Variants in PDS5B observed in about 807,000 individuals in gnomAD.
PDS5B encodes the protein sister chromatid cohesion protein PDS5 homolog B.
In PDS5B, 51 loss-of-function variants were observed where a neutral mutation model predicts 184.1. That is an observed-to-expected ratio of 0.28 (90% CI 0.22 to 0.35). The LOEUF (loss-of-function observed/expected upper bound fraction) is 0.35. PDS5B is among the 10% of genes least tolerant of loss of function. The probability of loss-of-function intolerance (pLI) is 1.00; values close to 1 mark genes in which losing one functional copy is unlikely to be tolerated. For synonymous variants in PDS5B, 566 were observed against 569.2 expected, an observed-to-expected ratio of 0.99 and a Z score of 0.08; for missense variants, 1,180 against 1,723.3, an observed-to-expected ratio of 0.68 and a Z score of 5.58.
intron 8 of PDS5B, 122 bp from the exon 9 acceptor site, chr13:32,675,722 T>C (rs1951046730): frequency 5.4e-6 from 3 of 558,738 alleles, no homozygotes; most frequent in Middle Eastern, 4.8e-4. Context: ...AATTTTTCAT[T>C]TAGAGTTCAT....
At chr13:32,769,237 A>G (rs2141034664) in intron 31 of PDS5B, among the ~76,000 whole-genome samples, 1 of 152,336 alleles carries the variant, frequency 6.6e-6, no homozygotes, top group South Asian at 2.1e-4. Context: ...CGCAGTAGTC[A>G]AAGTTGACAA....
intron 1 of PDS5B, among the ~76,000 whole-genome samples, chr13:32,623,617 T>A (rs916009524): frequency 1.3e-5 from 2 of 152,216 alleles, no homozygotes; most frequent in Non-Finnish European, 2.9e-5. Context: ...CTCACTGTTA[T>A]AATTTCGCAA....
chr13:32,678,990 T>A, intron 10 of PDS5B, 61 bp downstream of exon 10: 4 of 896,386 alleles, frequency 4.5e-6, no homozygotes, highest in Non-Finnish European at 7.1e-6. Context: ...AAAATAAGTT[T>A]CATAGGGGGA....
At chr13:32,628,936 C>T (rs968255734) in intron 1 of PDS5B, among the ~76,000 whole-genome samples, 3 of 151,988 alleles carry the variant, frequency 2.0e-5, no homozygotes, top group African/African-American at 7.3e-5. Context: ...ATTTTTATTC[C>T]TGTGAGAATT....
Position 32,688,559 on chromosome 13 carries a change from A to G in PDS5B, c.1459A>G (p.Asn487Asp). Reference sequence around the variant, plus strand: ...TTACTTGTATGCCACACTGGATTTAAATGCTGTGAAGTATGTTTCAAATAT... The same window carrying G: ...TTACTTGTATGCCACACTGGATTTAGATGCTGTGAAGTATGTTTCAAATAT... ...LYYLYATLDL[N>D]AVKALNEMWK... The change falls in exon 13 of 35, where the codon AAT (asparagine) becomes GAT (aspartate). Residue 487 changes from asparagine to aspartate, a missense_variant. Transcript: ENST00000315596. 1 of 1,546,080 alleles carries G rather than the reference A, an allele frequency of 6.5e-7. No individual in the cohort carries two copies. The highest frequency in any genetic ancestry group is 8.9e-7 in the Non-Finnish European group (1 of 1,118,356).
At chr13:32,655,701 T>A (rs1950496533) in intron 3 of PDS5B, among the ~76,000 whole-genome samples, 1 of 152,010 alleles carries the variant, frequency 6.6e-6, no homozygotes, top group African/African-American at 2.4e-5. Context: ...TGTTTTTTGC[T>A]TGTTAATTAA....
intron 3 of PDS5B, among the ~76,000 whole-genome samples, chr13:32,656,997 T>C (rs1022932691): frequency 1.3e-5 from 2 of 152,248 alleles, no homozygotes; most frequent in Admixed American, 1.3e-4. Context: ...TTATGGCTTA[T>C]TATGTGGTCA....
At chr13:32,741,200 T>C (rs776694062) in intron 22 of PDS5B, 52 bp downstream of exon 22, 25 of 942,820 alleles carry the variant, frequency 2.7e-5, no homozygotes, top group Admixed American at 4.7e-5. Flanking sequence ...CACATTGTAA[T>C]ATTTGAGGTA....
chr13:32,628,623 T>C (rs1378468381), intron 1 of PDS5B, among the ~76,000 whole-genome samples: 1 of 152,206 alleles, frequency 6.6e-6, no homozygotes, highest in Non-Finnish European at 1.5e-5. Context: ...TGGTGTTTTT[T>C]ATTGCCCAAT....
At chr13:32,599,579 G>A (rs941097937) in intron 1 of PDS5B, among the ~76,000 whole-genome samples, 6 of 150,800 alleles carry the variant, frequency 4.0e-5, no homozygotes, top group African/African-American at 1.2e-4. Context: ...TGATTTGTAA[G>A]TTGATACTTT....
chr13:32,768,206 C>T (rs766954008), intron 31 of PDS5B, among the ~76,000 whole-genome samples: 1 of 152,152 alleles, frequency 6.6e-6, no homozygotes, highest in Non-Finnish European at 1.5e-5. Context: ...GATCAAGGTG[C>T]CAGCAGATTT....
chr13:32,689,542 T>C (rs1951488265), intron 13 of PDS5B: 1 of 152,140 alleles, frequency 6.6e-6, no homozygotes, highest in Non-Finnish European at 1.5e-5. Context: ...GTCCGGCCTT[T>C]TACAGAAAAA....
At chr13:32,613,414 AT>A (rs1448969692) in intron 1 of PDS5B, among the ~76,000 whole-genome samples, 2 of 152,072 alleles carry the variant, frequency 1.3e-5, no homozygotes, top group African/African-American at 4.8e-5. Flanking sequence ...ATTGTCTGTC[AT>A]TTTGATTATA....
At position 32,708,211 on chromosome 13, in the gene PDS5B, T is replaced by C. The variant is rs557227437; in HGVS notation, c.1962+1172T>C. Among the ~76,000 whole-genome samples the C allele has an allele frequency of 1.8e-4, 27 of 152,326 alleles. No individual in the cohort carries two copies. The East Asian group carries it at 5.2e-3, about 29-fold the overall frequency. On this transcript the variant is annotated intron_variant, in intron 18 of 34. Transcript: ENST00000315596. Reference sequence around the variant, plus strand: ...CTGCAGAAGCAGTCATAGAGGTGTATGTAACACCTCCGGAGCAGTAAGACT... The same window carrying C: ...CTGCAGAAGCAGTCATAGAGGTGTACGTAACACCTCCGGAGCAGTAAGACT...
chr13:32,593,632 C>G (rs558849365), intron 1 of PDS5B, among the ~76,000 whole-genome samples: 1 of 152,202 alleles, frequency 6.6e-6, no homozygotes, highest in Non-Finnish European at 1.5e-5. Flanking sequence ...TGAGCCACTA[C>G]GCCTGGCCTC....
chr13:32,637,839 T>C (rs1243904096), intron 1 of PDS5B, among the ~76,000 whole-genome samples: 1 of 152,254 alleles, frequency 6.6e-6, no homozygotes, highest in Non-Finnish European at 1.5e-5. Context: ...TCACTTGATT[T>C]GGCAACATAG....
chr13:32,648,051 C>T (rs1264292033), intron 1 of PDS5B, among the ~76,000 whole-genome samples: 1 of 152,184 alleles, frequency 6.6e-6, no homozygotes, highest in African/African-American at 2.4e-5. Context: ...AGTGTGCAGG[C>T]CCATGGCCAA....
At chr13:32,721,576 C>A (rs573363293) in intron 19 of PDS5B, among the ~76,000 whole-genome samples, 1 of 136,200 alleles carries the variant, frequency 7.3e-6, no homozygotes, top group Non-Finnish European at 1.6e-5. Context: ...GGGTGGCGGC[C>A]GGGTAGAGAC....
intron 22 of PDS5B, 88 bp downstream of exon 22, chr13:32,741,236 G>T: frequency 1.4e-6 from 1 of 735,264 alleles, no homozygotes; most frequent in Admixed American, 2.6e-5. Context: ...CTATTGGAAA[G>T]ATATTAAAGT....
Sources: gnomAD v4.1 joint callset for allele counts (sites outside exome capture counted in the v4.1 genomes callset) on GRCh38, gnomAD v4.1.1 for gene constraint, MANE v1.5 for transcripts, NCBI Gene and HGNC (gene_info 2026-07-23, HGNC 2026-07-21) for gene names.